The following MACROH2A2 variants were observed in gnomAD, a reference collection of about 807,000 sequenced individuals.
MACROH2A2 encodes the protein macroH2A.2 histone.
MACROH2A2 carries 6 observed loss-of-function variants against 37.6 expected under a neutral mutation model. The observed-to-expected ratio is 0.16, with a 90% CI of 0.09 to 0.32. The LOEUF is 0.32. MACROH2A2 is among the 10% of genes least tolerant of loss of function. MACROH2A2 has a pLI of 1.00. For synonymous variants in MACROH2A2, 192 were observed against 202.7 expected (o/e 0.95, Z 0.45); for missense variants, 290 against 485.9 (o/e 0.60, Z 3.79).
intron 4 of MACROH2A2, among the ~76,000 whole-genome samples, chr10:70,092,900 G>GT (rs565202986): frequency 1.4e-3 from 206 of 152,238 alleles, no homozygotes; most frequent in Admixed American, 3.1e-3. Context: ...GATATACTAG[G>GT]TGTTTGGGTT....
At chr10:70,087,832 T>C (rs1418075842) in intron 2 of MACROH2A2, among the ~76,000 whole-genome samples, 1 of 152,216 alleles carries the variant, frequency 6.6e-6, no homozygotes, top group Non-Finnish European at 1.5e-5. Flanking sequence ...AGAATGAATT[T>C]GCGGTGATTC....
At position 70,076,549 on chromosome 10, in the gene MACROH2A2, G is replaced by A. The variant is rs2072140768; in HGVS notation, c.172+719G>A. ...ATAGAAACCAAACTTTACAATATCA[G>A]GGGTGCTTTTCAGAAGTATTTACAA... On this transcript the variant is annotated intron_variant, in intron 2 of 8. Coordinates refer to ENST00000373255, the MANE Select transcript of MACROH2A2 (RefSeq NM_018649.3). Among the ~76,000 whole-genome samples, 2 of 152,142 alleles carry A rather than the reference G, an allele frequency of 1.3e-5. 1 individual carries two copies.
intron 1 of MACROH2A2, among the ~76,000 whole-genome samples, chr10:70,064,463 G>T (rs891946320): frequency 2.6e-5 from 4 of 152,190 alleles, no homozygotes; most frequent in African/African-American, 9.6e-5. Flanking sequence ...GGCATTTGGG[G>T]GTTCTCAGTT....
intron 2 of MACROH2A2, among the ~76,000 whole-genome samples, chr10:70,083,094 G>C (rs1029666139): frequency 6.6e-6 from 1 of 152,076 alleles, no homozygotes; most frequent in African/African-American, 2.4e-5. Flanking sequence ...GCAGGAGGGG[G>C]AGAGCTGGAA....
Position 70,065,702 on chromosome 10 carries a change from C to T in MACROH2A2, c.-59-9898C>T, listed in dbSNP as rs141771137. Reference sequence around the variant, plus strand: ...GAAGAAAAAAGATAAGAGACTTGGACTATTAATCCAGGAGATCCAATACCT... The same window carrying T: ...GAAGAAAAAAGATAAGAGACTTGGATTATTAATCCAGGAGATCCAATACCT... On this transcript the variant is annotated intron_variant, in intron 1 of 8. Transcript: ENST00000373255. 1.4e-3 allele frequency among the ~76,000 whole-genome samples: 219 copies of T among 151,942 alleles called. 1 individual carries two copies. The highest frequency in any genetic ancestry group is 5.0e-3 in the African/African-American group (206 of 41,418).
At chr10:70,056,190 A>G (rs748740196) in intron 1 of MACROH2A2, among the ~76,000 whole-genome samples, 1 of 152,226 alleles carries the variant, frequency 6.6e-6, no homozygotes, top group Non-Finnish European at 1.5e-5. Context: ...CCATATCATT[A>G]TTGATACCCA....
intron 2 of MACROH2A2, among the ~76,000 whole-genome samples, chr10:70,084,864 T>A (rs1236475789): frequency 6.6e-6 from 1 of 152,178 alleles, no homozygotes; most frequent in African/African-American, 2.4e-5. Flanking sequence ...TGCCTCTGCC[T>A]CCCAAAGTGC....
At chr10:70,080,368 G>T (rs115197321) in intron 2 of MACROH2A2, among the ~76,000 whole-genome samples, 1 of 152,094 alleles carries the variant, frequency 6.6e-6, no homozygotes, top group African/African-American at 2.4e-5. Flanking sequence ...ACCTGAAGTA[G>T]GGAGCAATGG....
At chr10:70,102,281 G>A (rs1399723163) in intron 7 of MACROH2A2, among the ~76,000 whole-genome samples, 1 of 152,188 alleles carries the variant, frequency 6.6e-6, no homozygotes, top group Non-Finnish European at 1.5e-5. Context: ...AGGGAGTCTT[G>A]GGTCAGCACG....
chr10:70,094,356 C>A (rs553777095), intron 5 of MACROH2A2, among the ~76,000 whole-genome samples: 1 of 152,334 alleles, frequency 6.6e-6, no homozygotes, highest in East Asian at 1.9e-4. Flanking sequence ...CAGGGCTATG[C>A]ATTTGAACAG....
At chr10:70,079,840 T>C (rs2072164897) in intron 2 of MACROH2A2, among the ~76,000 whole-genome samples, 1 of 152,128 alleles carries the variant, frequency 6.6e-6, no homozygotes, top group Admixed American at 6.5e-5. Flanking sequence ...CACTCCATAA[T>C]GGATTGGATC....
chr10:70,095,670 GT>G lies in MACROH2A2; in HGVS notation c.606del (p.Ser202ArgfsTer9), dbSNP rs1397890462. Reference protein sequence around the residue: ...VLGQKLSLTQSDISHIGSMRV... With the variant: ...VLGQKLSLTQXDISHIGSMRV... ...CTAATGCAGCTGTCCTTAACCCAGA[GT>G]GACATCAGCCATATTGGCTCCATGA... On this transcript the variant is annotated frameshift_variant, in exon 6 of 9. Transcript: ENST00000373255. LOFTEE classifies it high-confidence loss of function. 1 of 1,561,022 alleles carries G rather than the reference GT, an allele frequency of 6.4e-7. No homozygotes were observed.
rs1200572838 is a variant in MACROH2A2, at chr10:70,107,726, C to T, written c.779-1307C>T. 1.3e-5 allele frequency among the ~76,000 whole-genome samples: 2 copies of T among 152,200 alleles called. No homozygotes were observed. The highest frequency in any genetic ancestry group is 2.9e-5 in the Non-Finnish European group (2 of 68,036). The stretch of plus-strand genomic sequence containing the variant: ...TCAGTTTCACAGCCCGCTTTTGAAA[C>T]CCCACTCTCTGCAGGGCATGTGGAG... On this transcript the variant is annotated intron_variant, in intron 7 of 8. Transcript: ENST00000373255. The surrounding 1 kb of genome is among the most constrained non-coding windows in gnomAD (Gnocchi z 4.4).
intron 2 of MACROH2A2, among the ~76,000 whole-genome samples, chr10:70,084,125 A>G (rs1013646377): frequency 7.2e-5 from 11 of 152,162 alleles, no homozygotes; most frequent in African/African-American, 2.4e-4. Flanking sequence ...TAACATAGAC[A>G]CTTGTCATTT....
At chr10:70,094,385 C>T (rs914801915) in intron 5 of MACROH2A2, among the ~76,000 whole-genome samples, 1 of 152,132 alleles carries the variant, frequency 6.6e-6, no homozygotes, top group Non-Finnish European at 1.5e-5. Context: ...AACACAACAG[C>T]AGCCCAACCA....
rs1244150997 is a variant in MACROH2A2 at position 70,107,147 on chromosome 10, G to A, written c.779-1886G>A. ...CGGTGTATTGTGTGGCCTGGGTCCT[G>A]CACTCAGGCGTTCACGTGTGATGAC... On this transcript the variant is annotated intron_variant, in intron 7 of 8. Transcript: ENST00000373255. The surrounding 1 kb of genome is among the most constrained non-coding windows in gnomAD (Gnocchi z 4.4). Among the ~76,000 whole-genome samples, 1 of 152,178 alleles carries A rather than the reference G, an allele frequency of 6.6e-6. No individual in the cohort carries two copies. Among genetic ancestry groups the A allele is most frequent in the Non-Finnish European group, 1.5e-5 (1 of 68,030 alleles).
chr10:70,100,901 G>A (rs1478785889), intron 7 of MACROH2A2, among the ~76,000 whole-genome samples: 1 of 152,146 alleles, frequency 6.6e-6, no homozygotes, highest in African/African-American at 2.4e-5. Flanking sequence ...ACAGACATGA[G>A]CCACCACACC....
intron 4 of MACROH2A2, among the ~76,000 whole-genome samples, chr10:70,093,345 A>G (rs2072257441): frequency 6.6e-6 from 1 of 152,220 alleles, no homozygotes; most frequent in Non-Finnish European, 1.5e-5. Flanking sequence ...TGGATGTTTC[A>G]TTCCACACTG....
At chr10:70,059,588 C>T (rs2072039177) in intron 1 of MACROH2A2, among the ~76,000 whole-genome samples, 1 of 152,078 alleles carries the variant, frequency 6.6e-6, no homozygotes, top group Non-Finnish European at 1.5e-5. Context: ...CCAGGCTGGT[C>T]TCGAACTCCT....
Sources: allele counts gnomAD v4.1 joint callset (sites outside exome capture counted in the v4.1 genomes callset), GRCh38; gene constraint gnomAD v4.1.1; non-coding constraint Gnocchi (gnomAD v3.1); transcripts MANE v1.5; gene names NCBI Gene and HGNC (gene_info 2026-07-23, HGNC 2026-07-21).